The following CA8 variants were observed in gnomAD, a reference collection of about 807,000 sequenced individuals.
The protein encoded by CA8 is carbonic anhydrase-related protein.
A neutral mutation model predicts 41.4 loss-of-function variants in CA8; 22 were observed. That is an observed-to-expected ratio of 0.53 (90% CI 0.38 to 0.76). The LOEUF is 0.76. Among genes scored for constraint, CA8 ranks in the 30% least tolerant of loss-of-function variants. The pLI is 0.00. For synonymous variants in CA8, 121 were observed against 130.6 expected (o/e 0.93, Z 0.50); for missense variants, 270 against 352.8 (o/e 0.77, Z 1.88).
chr8:60,220,394 T>C (rs745415331), intron 7 of CA8, among the ~76,000 whole-genome samples: 10 of 152,106 alleles, frequency 6.6e-5, no homozygotes, highest in South Asian at 2.1e-4. Context: ...CCAGAGGACA[T>C]GAACAAGCTG....
chr8:60,223,750 T>C (rs1452667432), intron 6 of CA8, among the ~76,000 whole-genome samples: 3 of 152,254 alleles, frequency 2.0e-5, no homozygotes, highest in Non-Finnish European at 2.9e-5. Flanking sequence ...ATGGTTAACA[T>C]ACGATAGAAA....
intron 8 of CA8, among the ~76,000 whole-genome samples, chr8:60,207,445 T>G (rs1045970597): frequency 1.3e-5 from 2 of 152,240 alleles, no homozygotes; most frequent in African/African-American, 4.8e-5. Flanking sequence ...TATTGCAGTT[T>G]GTGGTTGACA....
chr8:60,268,521 C>T (rs1363212663), intron 2 of CA8, among the ~76,000 whole-genome samples: 1 of 152,178 alleles, frequency 6.6e-6, no homozygotes, highest in African/African-American at 2.4e-5. Context: ...TCCTTAACAG[C>T]AATGAACCCT....
intron 3 of CA8, among the ~76,000 whole-genome samples, chr8:60,237,571 C>T (rs1028342107): frequency 1.3e-5 from 2 of 152,116 alleles, no homozygotes; most frequent in Non-Finnish European, 2.9e-5. Context: ...CAGGACCCTG[C>T]CCCACAGGCC....
At chr8:60,213,078 C>T (rs1189431101) in intron 7 of CA8, among the ~76,000 whole-genome samples, 3 of 152,094 alleles carry the variant, frequency 2.0e-5, no homozygotes. Context: ...CTTGTTTTTG[C>T]CTCATTTCTC....
chr8:60,194,002 G>C (rs1413232832), intron 8 of CA8, among the ~76,000 whole-genome samples: 1 of 152,024 alleles, frequency 6.6e-6, no homozygotes, highest in Non-Finnish European at 1.5e-5. Flanking sequence ...TAATTTCTGA[G>C]AATTTTCAAT....
At chr8:60,202,183 A>G (rs1219379451) in intron 8 of CA8, among the ~76,000 whole-genome samples, 1 of 151,184 alleles carries the variant, frequency 6.6e-6, no homozygotes. Context: ...AGCTGGGACT[A>G]CAGGCGCCTG....
At position 60,208,796 on chromosome 8, in the gene CA8, C is replaced by A. The variant is rs763328323; in HGVS notation, c.862G>T (p.Ala288Ser). 1 of 1,614,004 alleles carries A rather than the reference C, an allele frequency of 6.2e-7. No homozygotes were observed. Among genetic ancestry groups the A allele is most frequent in the African/African-American group, 1.3e-5 (1 of 74,914 alleles). Residue 288 changes from alanine (A) to serine (S), a missense_variant, in exon 8 of 9, where the codon GCA becomes TCA. Ala to Ser is a moderately conservative substitution (Grantham distance 99). This residue lies in a region of CA8 where 141 missense variants were observed against 191.6 expected (regional missense o/e 0.74). Coordinates refer to ENST00000317995, the MANE Select transcript of CA8 (RefSeq NM_004056.6). ...CCTGTCCTCTTTGGCTACTGAAATG[C>A]AGCTCTAATGACTCTGTCACTAAGA... is the stretch of plus-strand genomic sequence containing the variant. ...QPLSDRVIRA[A>S]FQ
At chr8:60,213,922 G>A (rs1195639822) in intron 7 of CA8, among the ~76,000 whole-genome samples, 2 of 152,070 alleles carry the variant, frequency 1.3e-5, no homozygotes, top group East Asian at 3.8e-4. Flanking sequence ...ATGTAAAGAC[G>A]AATGCAGGTA....
chr8:60,247,104 C>T (rs1464100724), intron 3 of CA8, among the ~76,000 whole-genome samples: 2 of 151,960 alleles, frequency 1.3e-5, no homozygotes, highest in Admixed American at 6.5e-5. Context: ...AGGATGATCT[C>T]GATCTCCTGA....
intron 7 of CA8, among the ~76,000 whole-genome samples, chr8:60,219,349 G>A (rs566369449): frequency 6.6e-6 from 1 of 152,170 alleles, no homozygotes; most frequent in Admixed American, 6.5e-5. Flanking sequence ...GTAGAGATAA[G>A]GTTTCACCAT....
intron 8 of CA8, among the ~76,000 whole-genome samples, chr8:60,190,194 C>A (rs542450614): frequency 1.1e-4 from 17 of 151,484 alleles, no homozygotes; most frequent in Admixed American, 9.2e-4. Flanking sequence ...CTATGGCAGA[C>A]CTATTAATGC....
At chr8:60,275,439 A>G (rs540840708) in intron 2 of CA8, among the ~76,000 whole-genome samples, 1 of 152,090 alleles carries the variant, frequency 6.6e-6, no homozygotes, top group South Asian at 2.1e-4. Flanking sequence ...TACATTCATG[A>G]AATAAATACT....
At position 60,281,309 on chromosome 8, in the gene CA8, C is replaced by T; in HGVS notation, c.-162G>A. 1 of 624,646 alleles carries T rather than the reference C, an allele frequency of 1.6e-6. No individual in the cohort carries two copies. Among genetic ancestry groups the T allele is most frequent in the Non-Finnish European group, 2.8e-6 (1 of 351,196 alleles). 38.7% of individuals were successfully genotyped at this position (624,646 alleles called of 1,614,324 possible). On this transcript the variant is annotated 5_prime_UTR_variant, in exon 1 of 9. Coordinates refer to ENST00000317995, the MANE Select transcript of CA8 (RefSeq NM_004056.6). ...CCGGGTGTGAACCGCAGTGTGAGTG[C>T]AAGCAGGCGTGCGTTCGGACCGAGT...
intron 3 of CA8, among the ~76,000 whole-genome samples, chr8:60,252,600 C>G (rs187250812): frequency 5.2e-4 from 79 of 152,216 alleles, no homozygotes; most frequent in Admixed American, 1.6e-3. Context: ...ATCTCCTCAC[C>G]CTACCTAGAG....
At chr8:60,226,027 G>A (rs1286325423) in intron 5 of CA8, among the ~76,000 whole-genome samples, 2 of 152,228 alleles carry the variant, frequency 1.3e-5, no homozygotes, top group African/African-American at 4.8e-5. Flanking sequence ...CCATATCATG[G>A]CAGGGTCATG....
intron 5 of CA8, among the ~76,000 whole-genome samples, chr8:60,225,047 T>TTAC (rs748402033): frequency 3.3e-5 from 5 of 151,978 alleles, no homozygotes; most frequent in East Asian, 3.9e-4. Context: ...TATTTGGATT[T>TTAC]GGTAACTCAG....
At chr8:60,279,927 A>G (rs1318434132) in intron 1 of CA8, 47 bp from the exon 2 acceptor site, 2 of 1,505,838 alleles carry the variant, frequency 1.3e-6, no homozygotes, top group Non-Finnish European at 1.8e-6. Flanking sequence ...AAAATAAATT[A>G]CAGTAAAATT....
chr8:60,204,120 C>T (rs1313683218), intron 8 of CA8, among the ~76,000 whole-genome samples: 1 of 152,178 alleles, frequency 6.6e-6, no homozygotes, highest in Non-Finnish European at 1.5e-5. Flanking sequence ...TTTCTTGGAG[C>T]CTCTAGAAAT....
Sources: gnomAD v4.1 joint callset for allele counts (sites outside exome capture counted in the v4.1 genomes callset) on GRCh38, gnomAD v4.1.1 for gene constraint, gnomAD v4.1.1 regional missense constraint, MANE v1.5 for transcripts, NCBI Gene and HGNC (gene_info 2026-07-23, HGNC 2026-07-21) for gene names.